The following ISLR2 variants were observed in gnomAD, a reference collection of about 807,000 sequenced individuals.
ISLR2 encodes immunoglobulin superfamily containing leucine-rich repeat protein 2.
ISLR2 carries 16 observed loss-of-function variants against 25.5 expected under a neutral mutation model. That is an observed-to-expected ratio of 0.63 (90% confidence interval 0.43 to 0.95). The LOEUF (loss-of-function observed/expected upper bound fraction) is 0.95. ISLR2 is among the 40% of genes least tolerant of loss of function. The pLI, the probability that ISLR2 is intolerant of heterozygous loss-of-function variation, is 0.00. For missense variants in ISLR2, 883 were observed against 1,030.7 expected, an observed-to-expected ratio of 0.86 and a Z score of 1.96; for synonymous variants, 508 against 486.6, an observed-to-expected ratio of 1.04 and a Z score of -0.58.
intron 1 of ISLR2, among the ~76,000 whole-genome samples, chr15:74,101,250 A>G (rs1211991818): frequency 2.5e-4 from 1 of 3,936 alleles, no homozygotes; most frequent in East Asian, 2.0e-3. Flanking sequence ...AATGCTTTGT[A>G]AATAGCTGAT....
rs1413339444 is a variant in ISLR2 at position 74,134,275 on chromosome 15, G to T, written c.1521G>T (p.Ala507=). 15 of 1,553,836 alleles carry T rather than the reference G, an allele frequency of 9.7e-6. No individual in the cohort carries two copies. The highest frequency in any genetic ancestry group is 1.3e-5 in the Non-Finnish European group (15 of 1,148,790). ...GGGTGCAGCTGACTCCGCTGGCTGC[G>T]CGCTGGGGCCCTGGGCCCGGCGGGG... is the stretch of plus-strand genomic sequence containing the variant. ...EARVQLTPLA[A]RWGPGPGGAG... is the part of the protein sequence containing the mutation. Residue 507 remains alanine, a synonymous_variant, in exon 3 of 3, where the codon GCG becomes GCT. Transcript: ENST00000453268.
upstream of ISLR2, among the ~76,000 whole-genome samples, chr15:74,124,381 A>G (rs2072275218): frequency 1.3e-5 from 2 of 152,102 alleles, no homozygotes; most frequent in Non-Finnish European, 2.9e-5. Context: ...AAACAGTCCT[A>G]TGACAATAGG....
intron 1 of ISLR2, among the ~76,000 whole-genome samples, chr15:74,102,123 C>A: frequency 7.1e-6 from 1 of 140,236 alleles, no homozygotes; most frequent in South Asian, 2.4e-4. Flanking sequence ...GAGACTGAGT[C>A]ACAAGAATCG....
chr15:74,137,371 T>C (rs2072580456), downstream of ISLR2, among the ~76,000 whole-genome samples: 1 of 152,138 alleles, frequency 6.6e-6, no homozygotes, highest in Admixed American at 6.5e-5. Flanking sequence ...GCCAGGCCGA[T>C]TGCCCAGAGC....
At chr15:74,119,960 T>C (rs1395710501) in intron 2 of ISLR2, among the ~76,000 whole-genome samples, 1 of 152,240 alleles carries the variant, frequency 6.6e-6, no homozygotes, top group Non-Finnish European at 1.5e-5. Context: ...CTCCAGGTCC[T>C]TCAGGCCAGC....
chr15:74,136,365 G>T lies in ISLR2; in HGVS notation c.*1373G>T, dbSNP rs1051867545. ...GTTCGCACAAAGCCTGCTCGTGACT[G>T]TGCGACTGTGCGACGGGATCCGGAT... On this transcript the variant is annotated 3_prime_UTR_variant, in exon 3 of 3. Coordinates refer to ENST00000453268, the MANE Select transcript of ISLR2 (RefSeq NM_020851.3). 1 of 164,926 alleles carries T rather than the reference G, an allele frequency of 6.1e-6. No individual in the cohort carries two copies. The highest frequency in any genetic ancestry group is 1.9e-4 in the East Asian group (1 of 5,192). The allele number at this position is 164,926 out of a possible 1,614,324, so 10.2% of individuals were successfully genotyped here.
At chr15:74,120,638 G>C (rs1191651353) in intron 2 of ISLR2, among the ~76,000 whole-genome samples, 1 of 151,770 alleles carries the variant, frequency 6.6e-6, no homozygotes, top group African/African-American at 2.4e-5. Context: ...ACAGGGAGCT[G>C]TGTGTGTGTG....
chr15:74,106,532 C>T (rs1267233112), intron 2 of ISLR2, among the ~76,000 whole-genome samples: 4 of 152,096 alleles, frequency 2.6e-5, no homozygotes, highest in Non-Finnish European at 5.9e-5. Flanking sequence ...TGTAGGAGAG[C>T]TGGGCAGGCT....
At chr15:74,121,186 G>A (rs2072249809) in intron 2 of ISLR2, among the ~76,000 whole-genome samples, 1 of 152,114 alleles carries the variant, frequency 6.6e-6, no homozygotes, top group Non-Finnish European at 1.5e-5. Flanking sequence ...GGGATTTATA[G>A]CAATTCCCTC....
chr15:74,141,749 G>A (rs886916792), downstream of ISLR2, among the ~76,000 whole-genome samples: 3 of 152,244 alleles, frequency 2.0e-5, no homozygotes, highest in Admixed American at 1.3e-4. Context: ...CACACAGCTG[G>A]CAATTTGCAG....
At chr15:74,129,102 G>A (rs542196921), upstream of ISLR2, 4 of 455,772 alleles carry the variant, frequency 8.8e-6, no homozygotes, top group Non-Finnish European at 1.8e-5. The surrounding 1 kb of genome is among the most constrained non-coding windows in gnomAD (Gnocchi z 4.5). Flanking sequence ...GGGTCGGCGG[G>A]GGGGGACTCC....
intron 2 of ISLR2, among the ~76,000 whole-genome samples, chr15:74,119,629 T>A (rs1289778861): frequency 6.6e-6 from 1 of 152,132 alleles, no homozygotes; most frequent in Non-Finnish European, 1.5e-5. Flanking sequence ...ATAATAATAA[T>A]AAAAGTATGT....
chr15:74,134,563 G>C lies in ISLR2; in HGVS notation c.1809G>C (p.Leu603=). The part of the protein sequence containing the change: ...IVAVSVFLLV[L]ATVPLLGAAC... The stretch of plus-strand genomic sequence containing the variant: ...CAGTGAGCGTATTCCTCCTGGTGCT[G>C]GCCACAGTGCCCCTTCTGGGCGCCG... Residue 603 remains leucine (L), a synonymous_variant, in exon 3 of 3, where the codon CTG becomes CTC. Coordinates refer to ENST00000453268, the MANE Select transcript of ISLR2 (RefSeq NM_020851.3). 1 of 1,614,152 alleles carries C rather than the reference G, an allele frequency of 6.2e-7. No homozygotes were observed. Among genetic ancestry groups the C allele is most frequent in the Non-Finnish European group, 8.5e-7 (1 of 1,180,036 alleles).
chr15:74,141,397 T>C (rs1308771535), downstream of ISLR2, among the ~76,000 whole-genome samples: 2 of 152,238 alleles, frequency 1.3e-5, no homozygotes, highest in Non-Finnish European at 2.9e-5. Context: ...AAAATTTCTA[T>C]GATTATATAA....
rs1214285269 is a variant in ISLR2, at chr15:74,132,856, C to T, written c.102C>T (p.Phe34=). ...CACVDKYAHQ[F]ADCAYKELRE... ...GCGTGGACAAGTACGCTCACCAGTTCGCGGACTGCGCTTACAAAGAGTTGC... is the reference window on the plus strand; with the variant it reads ...GCGTGGACAAGTACGCTCACCAGTTTGCGGACTGCGCTTACAAAGAGTTGC... The change falls in exon 3 of 3, where the codon TTC becomes TTT. Residue 34 remains phenylalanine (F), a synonymous_variant. Transcript: ENST00000453268. The surrounding 1 kb of genome is among the most constrained non-coding windows in gnomAD (Gnocchi z 4.3). 6.2e-7 allele frequency: 1 copy of T among 1,614,118 alleles called. No homozygotes were observed. Among genetic ancestry groups the T allele is most frequent in the African/African-American group, 1.3e-5 (1 of 75,062 alleles).
At chr15:74,119,663 C>G (rs755679175) in intron 2 of ISLR2, among the ~76,000 whole-genome samples, 1 of 152,138 alleles carries the variant, frequency 6.6e-6, no homozygotes, top group African/African-American at 2.4e-5. Flanking sequence ...TGTTAATTAA[C>G]TTGATTTAAT....
At chr15:74,117,059 G>A (rs2072216524) in intron 2 of ISLR2, among the ~76,000 whole-genome samples, 1 of 152,172 alleles carries the variant, frequency 6.6e-6, no homozygotes, top group South Asian at 2.1e-4. Flanking sequence ...CAGTCTTACT[G>A]GGGAGGGGAC....
At chr15:74,126,360 T>A (rs2072296662), upstream of ISLR2, 1 of 144,596 alleles carries the variant, frequency 6.9e-6, no homozygotes. Context: ...TTTTTTTTTT[T>A]TTTTTTTTTT....
chr15:74,134,974 C>T lies in ISLR2; in HGVS notation c.2220C>T (p.Tyr740=). The change falls in exon 3 of 3, where the codon TAC becomes TAT. Residue 740 remains tyrosine, a synonymous_variant. Transcript: ENST00000453268. ...VNIAQEINGN[Y]RQTAG ...TCGCCCAGGAGATTAATGGCAACTACAGGCAGACGGCAGGCTGAACCTCCG... is the reference window on the plus strand; with the variant it reads ...TCGCCCAGGAGATTAATGGCAACTATAGGCAGACGGCAGGCTGAACCTCCG... 1 of 1,612,718 alleles carries T rather than the reference C, an allele frequency of 6.2e-7. No individual in the cohort carries two copies.
Sources: gnomAD v4.1 joint callset for allele counts (sites outside exome capture counted in the v4.1 genomes callset) on GRCh38, gnomAD v4.1.1 for gene constraint, Gnocchi (gnomAD v3.1) non-coding constraint, MANE v1.5 for transcripts, NCBI Gene and HGNC (gene_info 2026-07-23, HGNC 2026-07-21) for gene names.